The following SPTSSB variants were observed in gnomAD, a reference collection of about 807,000 sequenced individuals.
SPTSSB encodes serine palmitoyltransferase small subunit B.
A neutral mutation model predicts 7.7 loss-of-function variants in SPTSSB; 6 were observed. That is an observed-to-expected ratio of 0.78 (90% confidence interval 0.43 to 1.54). The LOEUF (loss-of-function observed/expected upper bound fraction) is 1.54. Among genes scored for constraint, SPTSSB ranks in the 40% most tolerant of loss-of-function variants. The pLI is 0.01. For synonymous variants in SPTSSB, 28 were observed against 29.7 expected, an observed-to-expected ratio of 0.94 and a Z score of 0.19; for missense variants, 91 against 93.0, an observed-to-expected ratio of 0.98 and a Z score of 0.09.
intron 1 of SPTSSB, among the ~76,000 whole-genome samples, chr3:161,362,170 T>C (rs2108165679): frequency 6.6e-6 from 1 of 152,240 alleles, no homozygotes; most frequent in South Asian, 2.1e-4. Flanking sequence ...TATGTTTCTA[T>C]GCCTAATTTT....
intron 1 of SPTSSB, among the ~76,000 whole-genome samples, chr3:161,369,637 G>C (rs2108171746): frequency 6.6e-6 from 1 of 151,952 alleles, no homozygotes; most frequent in South Asian, 2.1e-4. Context: ...AGGATGGTTG[G>C]AGGAAGAGAG....
intron 2 of SPTSSB, among the ~76,000 whole-genome samples, chr3:161,354,193 T>C (rs941302406): frequency 1.3e-5 from 2 of 152,206 alleles, no homozygotes; most frequent in Non-Finnish European, 2.9e-5. Context: ...CTAATTAAAT[T>C]TTATAATCTT....
chr3:161,356,235 T>C (rs1236504257), intron 2 of SPTSSB, among the ~76,000 whole-genome samples: 1 of 152,238 alleles, frequency 6.6e-6, no homozygotes, highest in Non-Finnish European at 1.5e-5. Flanking sequence ...GTGGGAACTG[T>C]GAATTCTATG....
At chr3:161,358,044 G>GTTTTTTT (rs11353900) in intron 2 of SPTSSB, among the ~76,000 whole-genome samples, 2 of 114,554 alleles carry the variant, frequency 1.7e-5, no homozygotes, top group Non-Finnish European at 3.6e-5. Flanking sequence ...AGAAACTTTT[G>GTTTTTTT]TTTTTTTTTT....
intron 1 of SPTSSB, among the ~76,000 whole-genome samples, chr3:161,366,401 G>C (rs1460587929): frequency 6.6e-6 from 1 of 152,072 alleles, no homozygotes. Flanking sequence ...TTTTTCTGAT[G>C]AAACAACAGC....
At position 161,346,085 on chromosome 3, in the gene SPTSSB, G is replaced by C. The variant is rs776453566; in HGVS notation, c.*8C>G. 7.9e-6 allele frequency: 11 copies of C among 1,389,340 alleles called. No homozygotes were observed. In the South Asian group the frequency reaches 1.3e-4, roughly 16 times the overall value. 86.1% of individuals were successfully genotyped at this position (1,389,340 alleles called of 1,614,324 possible). ...TATGCAATGCCATTTCACTGAATGT[G>C]AACAGGATCAATTAGAAATTGTACT... On this transcript the variant is annotated 3_prime_UTR_variant, in exon 3 of 3. Coordinates refer to ENST00000620149, the MANE Select transcript of SPTSSB (RefSeq NM_001040100.2).
intron 1 of SPTSSB, among the ~76,000 whole-genome samples, chr3:161,365,781 T>C (rs959202820): frequency 6.6e-6 from 1 of 152,154 alleles, no homozygotes; most frequent in African/African-American, 2.4e-5. Context: ...CAAAATCAGG[T>C]CTCTGCTCCC....
intron 2 of SPTSSB, among the ~76,000 whole-genome samples, chr3:161,356,341 CT>C (rs1714768712): frequency 6.6e-6 from 1 of 152,104 alleles, no homozygotes; most frequent in Non-Finnish European, 1.5e-5. Flanking sequence ...AAAGTTAAGC[CT>C]TTTTCTCTTC....
intron 1 of SPTSSB, among the ~76,000 whole-genome samples, chr3:161,368,011 C>T (rs1463143681): frequency 6.6e-6 from 1 of 152,162 alleles, no homozygotes; most frequent in Non-Finnish European, 1.5e-5. Flanking sequence ...CTTTGTAGGA[C>T]TATACTAATG....
At chr3:161,346,549 A>C (rs1387983499) in intron 2 of SPTSSB, among the ~76,000 whole-genome samples, 194 bp from the exon 3 acceptor site, 3 of 152,158 alleles carry the variant, frequency 2.0e-5, no homozygotes, top group Non-Finnish European at 2.9e-5. Flanking sequence ...CACCACTACT[A>C]ATAATCACTA....
chr3:161,350,146 G>A (rs1042281475), intron 2 of SPTSSB, among the ~76,000 whole-genome samples: 2 of 152,184 alleles, frequency 1.3e-5, no homozygotes, highest in African/African-American at 4.8e-5. Flanking sequence ...GGCTGGGCTT[G>A]CTCAGGGAGC....
chr3:161,355,484 A>T (rs773123857), intron 2 of SPTSSB, among the ~76,000 whole-genome samples: 1 of 152,196 alleles, frequency 6.6e-6, no homozygotes, highest in Non-Finnish European at 1.5e-5. Context: ...GAAAAATAAG[A>T]TGTGGTGTAT....
chr3:161,356,996 A>T (rs1381033286), intron 2 of SPTSSB, among the ~76,000 whole-genome samples: 1 of 152,190 alleles, frequency 6.6e-6, no homozygotes, highest in African/African-American at 2.4e-5. Flanking sequence ...AGAAAAAAAA[A>T]TAAAAATAAA....
chr3:161,368,662 G>A (rs1715324667), intron 1 of SPTSSB, among the ~76,000 whole-genome samples: 2 of 151,996 alleles, frequency 1.3e-5, no homozygotes, highest in South Asian at 4.2e-4. Context: ...TCCTGACCTC[G>A]TGATCCGCCC....
chr3:161,365,833 G>A (rs1234608615), intron 1 of SPTSSB, among the ~76,000 whole-genome samples: 1 of 152,134 alleles, frequency 6.6e-6, no homozygotes, highest in Non-Finnish European at 1.5e-5. Flanking sequence ...GAAAGCTGCG[G>A]CACCCATTAT....
chr3:161,356,446 T>A (rs1293628412), intron 2 of SPTSSB, among the ~76,000 whole-genome samples: 1 of 152,232 alleles, frequency 6.6e-6, no homozygotes, highest in Non-Finnish European at 1.5e-5. Flanking sequence ...GTTACTGCAA[T>A]ATTGATCTGT....
intron 1 of SPTSSB, among the ~76,000 whole-genome samples, chr3:161,362,410 G>T (rs1221339088): frequency 1.3e-5 from 2 of 152,094 alleles, no homozygotes; most frequent in African/African-American, 2.4e-5. Flanking sequence ...TTGGTAAAGA[G>T]TTCACATCAA....
intron 2 of SPTSSB, among the ~76,000 whole-genome samples, chr3:161,356,970 A>G (rs553942314): frequency 6.6e-6 from 1 of 152,292 alleles, no homozygotes; most frequent in African/African-American, 2.4e-5. Flanking sequence ...CAAAAGAGTA[A>G]GACTCTGTCT....
At chr3:161,364,842 A>G (rs1715154778) in intron 1 of SPTSSB, among the ~76,000 whole-genome samples, 1 of 152,170 alleles carries the variant, frequency 6.6e-6, no homozygotes, top group Non-Finnish European at 1.5e-5. Context: ...ATTGCCCCAG[A>G]AAAGTTGCTT....
Sources: gnomAD v4.1 joint callset for allele counts (sites outside exome capture counted in the v4.1 genomes callset) on GRCh38, gnomAD v4.1.1 for gene constraint, MANE v1.5 for transcripts, NCBI Gene and HGNC (gene_info 2026-07-23, HGNC 2026-07-21) for gene names.